ACOT7: variants seen among roughly 807,000 people sequenced by gnomAD.
ACOT7 encodes acyl-CoA thioesterase 7, also known as cytosolic acyl coenzyme A thioester hydrolase.
Under a neutral mutation model 40.2 loss-of-function variants are expected in ACOT7, and 12 were observed. The ratio of observed to expected loss-of-function variants is 0.30; its 90% CI spans 0.19 to 0.48. The LOEUF (loss-of-function observed/expected upper bound fraction) is 0.48, where lower values mean the gene tolerates loss of function less well. Among genes scored for constraint, ACOT7 ranks in the 20% least tolerant of loss-of-function variants. ACOT7 has a pLI of 0.99. For missense variants in ACOT7, 395 were observed against 530.8 expected (o/e 0.74, Z 2.51); for synonymous variants, 228 against 219.5 (o/e 1.04, Z -0.34).
intron 3 of ACOT7, among the ~76,000 whole-genome samples, chr1:6,336,903 C>A (rs770978898): frequency 1.3e-5 from 2 of 152,164 alleles, no homozygotes; most frequent in African/African-American, 2.4e-5. Flanking sequence ...AGATGAGACT[C>A]GCAGTCACAG....
At chr1:6,323,435 T>C (rs1640702084) in intron 5 of ACOT7, among the ~76,000 whole-genome samples, 1 of 151,956 alleles carries the variant, frequency 6.6e-6, no homozygotes, top group Non-Finnish European at 1.5e-5. Context: ...GTCTGCCTTC[T>C]GGCCAGGTAT....
chr1:6,308,556 C>T (rs951882017), intron 6 of ACOT7, among the ~76,000 whole-genome samples: 4 of 147,522 alleles, frequency 2.7e-5, no homozygotes, highest in Non-Finnish European at 4.4e-5. Flanking sequence ...CAGCCACAGG[C>T]GGAGGGAACA....
intron 1 of ACOT7, among the ~76,000 whole-genome samples, chr1:6,367,584 C>T (rs1200992774): frequency 6.6e-6 from 1 of 152,216 alleles, no homozygotes; most frequent in Non-Finnish European, 1.5e-5. Context: ...TGCAAGGCTG[C>T]ACCTGGACCA....
chr1:6,286,112 A>G (rs1250527788), intron 7 of ACOT7, among the ~76,000 whole-genome samples: 1 of 152,212 alleles, frequency 6.6e-6, no homozygotes, highest in Non-Finnish European at 1.5e-5. Flanking sequence ...TGGTCCTGAC[A>G]ATCAGCCCAC....
At chr1:6,339,066 G>A (rs1557657942) in intron 3 of ACOT7, among the ~76,000 whole-genome samples, 2 of 152,318 alleles carry the variant, frequency 1.3e-5, no homozygotes, top group Admixed American at 6.5e-5. Flanking sequence ...GGCAAGCAGG[G>A]CAGGGAGACC....
chr1:6,377,991 A>C (rs1642265275), intron 1 of ACOT7, among the ~76,000 whole-genome samples: 1 of 152,130 alleles, frequency 6.6e-6, no homozygotes, highest in African/African-American at 2.4e-5. Context: ...AATGGCGTGA[A>C]CCTGGGAGGT....
At chr1:6,322,288 G>T (rs1280110414) in intron 5 of ACOT7, among the ~76,000 whole-genome samples, 1 of 152,228 alleles carries the variant, frequency 6.6e-6, no homozygotes, top group African/African-American at 2.4e-5. Context: ...TTTTTGGGAG[G>T]AGCTCCTCTA....
chr1:6,288,915 C>T lies in ACOT7; in HGVS notation c.829+5949G>A, dbSNP rs528575378. On this transcript the variant is annotated intron_variant, in intron 7 of 8. Transcript: ENST00000361521. The surrounding 1 kb of genome is among the most constrained non-coding windows in gnomAD (Gnocchi z 4.3). ...CTTCCTGACAGACACCCCACCCAAG[C>T]GAGGGCAAGCCACAGCCACAGGGCC... Among the ~76,000 whole-genome samples the T allele has an allele frequency of 6.6e-5, 10 of 152,148 alleles. No homozygotes were observed. Among genetic ancestry groups the T allele is most frequent in the Non-Finnish European group, 8.8e-5 (6 of 68,026 alleles).
intron 1 of ACOT7, among the ~76,000 whole-genome samples, chr1:6,384,583 C>T (rs984731699): frequency 6.6e-6 from 1 of 151,934 alleles, no homozygotes; most frequent in African/African-American, 2.4e-5. Flanking sequence ...CTCTCCGACA[C>T]TAGGTGGGTG....
rs1640343336 is a variant in ACOT7, at chr1:6,311,970, A to C, written c.712+6522T>G. Among the ~76,000 whole-genome samples the C allele has an allele frequency of 6.6e-6, 1 of 152,130 alleles. No homozygotes were observed. Among genetic ancestry groups the C allele is most frequent in the Non-Finnish European group, 1.5e-5 (1 of 68,032 alleles). On this transcript the variant is annotated intron_variant, in intron 6 of 8. Transcript: ENST00000361521. The surrounding 1 kb of genome is among the most constrained non-coding windows in gnomAD (Gnocchi z 5.2). ...TTTTAAGAGTTCCCCAAGTGACCTT[A>C]ATAGGCAGCAGAGACGAGGTCACAG...
chr1:6,376,003 C>T (rs1225629348), intron 1 of ACOT7, among the ~76,000 whole-genome samples: 1 of 152,058 alleles, frequency 6.6e-6, no homozygotes, highest in African/African-American at 2.4e-5. Flanking sequence ...GCCTGTAATC[C>T]CAGCATTTTG....
chr1:6,292,531 T>G (rs901361485), intron 7 of ACOT7, among the ~76,000 whole-genome samples: 1 of 152,230 alleles, frequency 6.6e-6, no homozygotes, highest in Non-Finnish European at 1.5e-5. Context: ...GGAAAAAGCA[T>G]TCGACCCAGA....
intron 1 of ACOT7, among the ~76,000 whole-genome samples, chr1:6,383,865 C>T (rs944812701): frequency 6.6e-6 from 1 of 151,608 alleles, no homozygotes; most frequent in African/African-American, 2.4e-5. Flanking sequence ...CCACCACACT[C>T]GGCTAATTTT....
At chr1:6,319,151 A>G (rs1039919753) in intron 5 of ACOT7, among the ~76,000 whole-genome samples, 4 of 152,214 alleles carry the variant, frequency 2.6e-5, no homozygotes, top group Non-Finnish European at 5.9e-5. Flanking sequence ...CGCACTTAAG[A>G]AAAAAAGCCG....
chr1:6,390,184 C>T (rs1027718364), intron 1 of ACOT7, among the ~76,000 whole-genome samples: 2 of 152,230 alleles, frequency 1.3e-5, no homozygotes, highest in Non-Finnish European at 2.9e-5. Context: ...TTGGCAGTCA[C>T]GCTCTGCACC....
At chr1:6,284,074 C>T (rs188815400) in intron 7 of ACOT7, among the ~76,000 whole-genome samples, 25 of 152,314 alleles carry the variant, frequency 1.6e-4, no homozygotes. Context: ...ACAGACGAAT[C>T]ACAAGTCCCA....
intron 6 of ACOT7, among the ~76,000 whole-genome samples, chr1:6,300,578 G>A (rs1192097450): frequency 1.9e-4 from 28 of 144,600 alleles, no homozygotes; most frequent in Admixed American, 6.9e-4. Context: ...ATGCGCGGCC[G>A]GCCCTCTCCA....
At chr1:6,292,971 G>A (rs1557635505) in intron 7 of ACOT7, among the ~76,000 whole-genome samples, 1 of 147,000 alleles carries the variant, frequency 6.8e-6, no homozygotes, top group African/African-American at 2.5e-5. Flanking sequence ...CTCACTGCAA[G>A]CTCCACCTCC....
chr1:6,389,218 A>G (rs748594858), intron 1 of ACOT7, among the ~76,000 whole-genome samples: 16 of 152,140 alleles, frequency 1.1e-4, no homozygotes, highest in Non-Finnish European at 2.2e-4. Flanking sequence ...GTACAACACA[A>G]TTCCTGATCT....
Sources: allele counts gnomAD v4.1 joint callset (sites outside exome capture counted in the v4.1 genomes callset), GRCh38; gene constraint gnomAD v4.1.1; non-coding constraint Gnocchi (gnomAD v3.1); transcripts MANE v1.5; gene names NCBI Gene and HGNC (gene_info 2026-07-23, HGNC 2026-07-21).